Variants in TAF3 observed in about 807,000 individuals in gnomAD.
TAF3 encodes the protein transcription initiation factor TFIID subunit 3.
TAF3 carries 7 observed loss-of-function variants against 80.6 expected under a neutral mutation model. That is an observed-to-expected ratio of 0.09 (90% confidence interval 0.05 to 0.16). TAF3 has a LOEUF of 0.16. Among genes scored for constraint, TAF3 ranks in the 10% least tolerant of loss-of-function variants. The probability of loss-of-function intolerance (pLI) is 1.00; values close to 1 mark genes in which losing one functional copy is unlikely to be tolerated. For synonymous variants in TAF3, 444 were observed against 446.1 expected (o/e 1.00, Z 0.06); for missense variants, 921 against 1,140.2 (o/e 0.81, Z 2.77).
At position 7,849,074 on chromosome 10, in the gene TAF3, T is replaced by C. The variant is rs182253465; in HGVS notation, c.409+24514T>C. Reference sequence around the variant, plus strand: ...AGGCTAAACTCTAGAATTAAACTTATGAACCGCAACAACACTTACATGTTT... The same window carrying C: ...AGGCTAAACTCTAGAATTAAACTTACGAACCGCAACAACACTTACATGTTT... On this transcript the variant is annotated intron_variant, in intron 2 of 6. Transcript: ENST00000344293. Among the ~76,000 whole-genome samples, 143 of 152,328 alleles carry C rather than the reference T, an allele frequency of 9.4e-4. 1 individual carries two copies. Among genetic ancestry groups the C allele is most frequent in the Admixed American group, 2.8e-3 (43 of 15,310 alleles).
At chr10:8,000,205 C>T (rs2030427062) in intron 4 of TAF3, among the ~76,000 whole-genome samples, 1 of 152,080 alleles carries the variant, frequency 6.6e-6, no homozygotes, top group Non-Finnish European at 1.5e-5. Flanking sequence ...TCTCAGCTCA[C>T]TCCTGGGTTC....
Position 8,009,408 on chromosome 10 carries a change from A to C in TAF3, c.2568+78A>C. On this transcript the variant is annotated intron_variant, in intron 5 of 6. Transcript: ENST00000344293. The surrounding 1 kb of genome is among the most constrained non-coding windows in gnomAD (Gnocchi z 4.1). ...AAGTGTGTGCTCTGAATCACTATCG[A>C]ATTTCAGACGCATTTCTCTTCAAAA... The C allele has an allele frequency of 6.8e-7, 1 of 1,476,034 alleles. No individual in the cohort carries two copies. The highest frequency in any genetic ancestry group is 9.0e-7 in the Non-Finnish European group (1 of 1,110,382). The allele number at this position is 1,476,034 out of a possible 1,614,324, so 91.4% of individuals were successfully genotyped here.
chr10:7,985,346 G>A (rs111402119), intron 4 of TAF3, among the ~76,000 whole-genome samples: 1,658 of 152,200 alleles, frequency 0.011, 20 homozygotes, highest in Middle Eastern at 0.031. Flanking sequence ...TGCCTGCCCC[G>A]GCTGGAACTT....
At chr10:8,002,673 CAG>C (rs968002263) in intron 4 of TAF3, among the ~76,000 whole-genome samples, 26 of 152,130 alleles carry the variant, frequency 1.7e-4, no homozygotes, top group African/African-American at 6.3e-4. Context: ...TGATTGAAGA[CAG>C]ATTTTTTTTA....
chr10:7,932,591 T>C (rs1837877769), intron 2 of TAF3, among the ~76,000 whole-genome samples: 1 of 151,920 alleles, frequency 6.6e-6, no homozygotes, highest in South Asian at 2.1e-4. Flanking sequence ...GTACTCCCAA[T>C]GTAAAGATCA....
intron 5 of TAF3, among the ~76,000 whole-genome samples, chr10:8,010,816 A>C (rs1332288601): frequency 6.6e-6 from 1 of 152,198 alleles, no homozygotes; most frequent in Non-Finnish European, 1.5e-5. Flanking sequence ...AGGCTCAGGC[A>C]CAAGAATTGC....
At chr10:7,846,491 C>T (rs982327328) in intron 2 of TAF3, among the ~76,000 whole-genome samples, 7 of 152,136 alleles carry the variant, frequency 4.6e-5, no homozygotes, top group Non-Finnish European at 7.3e-5. Context: ...CTGTTTGGGT[C>T]CACTGGCTCC....
chr10:7,897,523 GT>G (rs1009625823), intron 2 of TAF3, among the ~76,000 whole-genome samples: 1 of 151,748 alleles, frequency 6.6e-6, no homozygotes, highest in African/African-American at 2.4e-5. Context: ...TGCGTGTTTT[GT>G]TTTTTTCATG....
Position 7,911,634 on chromosome 10 carries a change from G to T in TAF3, c.410-52286G>T, listed in dbSNP as rs374153806. 3.0e-4 allele frequency among the ~76,000 whole-genome samples: 45 copies of T among 152,316 alleles called. No homozygotes were observed. In the East Asian group the frequency reaches 4.0e-3, roughly 14 times the overall value. ...AGAGGTTGCAAAGGAGGTGGGTTGT[G>T]GGACACAGTTTTCATTCATCCTGAA... On this transcript the variant is annotated intron_variant, in intron 2 of 6. Transcript: ENST00000344293.
chr10:7,865,423 G>A (rs1011895329), intron 2 of TAF3, among the ~76,000 whole-genome samples: 5 of 152,160 alleles, frequency 3.3e-5, no homozygotes, highest in Non-Finnish European at 7.3e-5. Context: ...AGCTTGCAGT[G>A]AGCCGAGATC....
chr10:7,846,204 G>A (rs996840803), intron 2 of TAF3, among the ~76,000 whole-genome samples: 11 of 152,080 alleles, frequency 7.2e-5, no homozygotes, highest in South Asian at 2.1e-4. Flanking sequence ...TGATCTGCCC[G>A]CCTTGGCCTC....
chr10:7,928,334 A>G (rs1268133569), intron 2 of TAF3, among the ~76,000 whole-genome samples: 1 of 152,136 alleles, frequency 6.6e-6, no homozygotes, highest in Non-Finnish European at 1.5e-5. Flanking sequence ...GAGCTAATTG[A>G]TATTGTTACA....
chr10:7,820,289 GTA>G (rs1836678160), intron 1 of TAF3, among the ~76,000 whole-genome samples: 1 of 152,062 alleles, frequency 6.6e-6, no homozygotes, highest in Non-Finnish European at 1.5e-5. Flanking sequence ...AATCACCTGT[GTA>G]TGTCTCTTTC....
chr10:7,896,254 C>A (rs775585989), intron 2 of TAF3, among the ~76,000 whole-genome samples: 2 of 152,136 alleles, frequency 1.3e-5, no homozygotes, highest in Admixed American at 6.5e-5. Flanking sequence ...TTTCTCAGAT[C>A]TTTACTCTTG....
In TAF3 at chr10:7,835,784, T is replaced by C. The variant is rs568684777; in HGVS notation, c.409+11224T>C. ...AGTCTTCCCGTTGCTTCTCACTGTTTCCCTTGCATAGATGCCTCATACTCG... is the reference window on the plus strand; with the variant it reads ...AGTCTTCCCGTTGCTTCTCACTGTTCCCCTTGCATAGATGCCTCATACTCG... On this transcript the variant is annotated intron_variant, in intron 2 of 6. Coordinates refer to ENST00000344293, the MANE Select transcript of TAF3 (RefSeq NM_031923.4). Among the ~76,000 whole-genome samples the C allele has an allele frequency of 1.4e-3, 206 of 152,288 alleles. 6 individuals are homozygous for C. The highest frequency in any genetic ancestry group is 6.8e-3 in the Middle Eastern group (2 of 294).
intron 4 of TAF3, among the ~76,000 whole-genome samples, chr10:7,988,715 C>A (rs1201521384): frequency 1.4e-5 from 2 of 140,456 alleles, no homozygotes; most frequent in African/African-American, 5.6e-5. Flanking sequence ...CACCACTGCA[C>A]TCCAGCCTGG....
chr10:7,831,352 CTT>C (rs369568267), intron 2 of TAF3, among the ~76,000 whole-genome samples: 1 of 147,194 alleles, frequency 6.8e-6, no homozygotes. Flanking sequence ...TCATTCATTA[CTT>C]TTTTTTTTTG....
At chr10:8,011,372 G>A (rs1372204296) in intron 5 of TAF3, among the ~76,000 whole-genome samples, 1 of 152,064 alleles carries the variant, frequency 6.6e-6, no homozygotes, top group African/African-American at 2.4e-5. Context: ...CCTCACCTCA[G>A]CCTCCCGAGT....
intron 2 of TAF3, among the ~76,000 whole-genome samples, chr10:7,849,088 A>G (rs1376290242): frequency 2.0e-5 from 3 of 152,210 alleles, no homozygotes; most frequent in African/African-American, 7.2e-5. Context: ...CCGCAACAAC[A>G]CTTACATGTT....
Sources: allele counts gnomAD v4.1 joint callset (sites outside exome capture counted in the v4.1 genomes callset), GRCh38; gene constraint gnomAD v4.1.1; non-coding constraint Gnocchi (gnomAD v3.1); transcripts MANE v1.5; gene names NCBI Gene and HGNC (gene_info 2026-07-23, HGNC 2026-07-21).